The following AGRP variants were observed in gnomAD, a reference collection of about 807,000 sequenced individuals.
AGRP encodes agouti-related protein.
A neutral mutation model predicts 13.6 loss-of-function variants in AGRP; 8 were observed. The ratio of observed to expected loss-of-function variants is 0.59; its 90% CI spans 0.35 to 1.06. AGRP has a LOEUF of 1.06. Ranked by LOEUF, AGRP falls within the 50% of genes least tolerant of loss-of-function variation. The pLI, the probability that AGRP is intolerant of heterozygous loss-of-function variation, is 0.02. For missense variants in AGRP, 155 were observed against 174.8 expected (o/e 0.89, Z 0.64); for synonymous variants, 63 against 72.4 (o/e 0.87, Z 0.66).
In AGRP at chr16:67,483,405, G is replaced by A. The variant is rs187626900; in HGVS notation, c.-3-4C>T. ...GCACCGCTGCGGTCAGCATGGCCTGGCTCAGCAGGAAGATGTACCACTTAG... is the reference window on the plus strand; with the variant it reads ...GCACCGCTGCGGTCAGCATGGCCTGACTCAGCAGGAAGATGTACCACTTAG... On this transcript the variant is annotated splice_region_variant and splice_polypyrimidine_tract_variant and intron_variant, in intron 1 of 3. Transcript: ENST00000290953. The A allele has an allele frequency of 4.0e-6, 6 of 1,504,882 alleles. No individual in the cohort carries two copies. The Admixed American group carries it at 1.1e-4, about 29-fold the overall frequency. The allele number at this position is 1,504,882 out of a possible 1,614,324, so 93.2% of individuals were successfully genotyped here.
Position 67,482,666 on chromosome 16 carries a change from A to G in AGRP, c.369T>C (p.Gly123=), listed in dbSNP as rs1273462920. 2 of 1,614,082 alleles carry G rather than the reference A, an allele frequency of 1.2e-6. No homozygotes were observed. The highest frequency in any genetic ancestry group is 1.7e-6 in the Non-Finnish European group (2 of 1,180,042). Residue 123 remains glycine (G), a synonymous_variant, in exon 4 of 4, where the codon GGT becomes GGC. Transcript: ENST00000290953. ...TGCGGCTGCAGGGATTCATGGCAGTACCCAGCTTGCGGCAGTAGCAGAAGG... is the reference window on the plus strand; with the variant it reads ...TGCGGCTGCAGGGATTCATGGCAGTGCCCAGCTTGCGGCAGTAGCAGAAGG... ...FNAFCYCRKL[G]TAMNPCSRT
Sources: gnomAD v4.1 joint callset for allele counts on GRCh38, gnomAD v4.1.1 for gene constraint, MANE v1.5 for transcripts, NCBI Gene and HGNC (gene_info 2026-07-23, HGNC 2026-07-21) for gene names.